Variants in TBC1D5 observed in about 807,000 individuals in gnomAD.
TBC1D5 encodes the protein TBC1 domain family, member 5.
A neutral mutation model predicts 100.3 loss-of-function variants in TBC1D5; 75 were observed. The observed-to-expected ratio is 0.75, with a 90% CI of 0.62 to 0.91. The LOEUF (loss-of-function observed/expected upper bound fraction) is 0.91. TBC1D5 is among the 40% of genes least tolerant of loss of function. The pLI is 0.00. For synonymous variants in TBC1D5, 323 were observed against 325.6 expected, an observed-to-expected ratio of 0.99 and a Z score of 0.09; for missense variants, 910 against 942.4, an observed-to-expected ratio of 0.97 and a Z score of 0.45.
chr3:17,470,997 G>A (rs2095366330), intron 3 of TBC1D5, among the ~76,000 whole-genome samples: 1 of 152,154 alleles, frequency 6.6e-6, no homozygotes, highest in African/African-American at 2.4e-5. Context: ...GCACATTTGG[G>A]ATGTGAATGA....
chr3:17,187,995 T>C (rs1361547911), intron 18 of TBC1D5, among the ~76,000 whole-genome samples: 2 of 152,254 alleles, frequency 1.3e-5, no homozygotes, highest in African/African-American at 4.8e-5. Flanking sequence ...GGATTCATTT[T>C]CTTTTGCAAA....
At chr3:17,533,406 G>A (rs2096252510) in intron 2 of TBC1D5, among the ~76,000 whole-genome samples, 1 of 152,178 alleles carries the variant, frequency 6.6e-6, no homozygotes, top group Non-Finnish European at 1.5e-5. Context: ...CTACACTAGT[G>A]TATGGCATAT....
rs369683731 is a variant in TBC1D5, at chr3:17,471,590, G to T, written c.97+36884C>A. On this transcript the variant is annotated intron_variant, in intron 3 of 21. Coordinates refer to ENST00000253692, the Ensembl canonical transcript of TBC1D5. Reference sequence around the variant, plus strand: ...ATCAAAATAGGCAGGAGAATGGCGTGAACCCGGGAGGCGGAGCTTGCAGTG... The same window carrying T: ...ATCAAAATAGGCAGGAGAATGGCGTTAACCCGGGAGGCGGAGCTTGCAGTG... 5.3e-5 allele frequency among the ~76,000 whole-genome samples: 7 copies of T among 132,632 alleles called. No homozygotes were observed. The East Asian group carries it at 1.5e-3, about 28-fold the overall frequency. The allele number at this position is 132,632 out of a possible 152,430, so 87.0% of individuals were successfully genotyped here. A position where few individuals can be genotyped will look rare whatever the true frequency, so the allele number is the denominator to read the frequency against.
At chr3:17,590,687 A>T (rs1333906282) in intron 2 of TBC1D5, among the ~76,000 whole-genome samples, 6 of 152,170 alleles carry the variant, frequency 3.9e-5, no homozygotes, top group African/African-American at 1.4e-4. Context: ...ATACGATGGG[A>T]ACAGTTGGAT....
intron 2 of TBC1D5, among the ~76,000 whole-genome samples, chr3:17,528,398 G>A (rs185552310): frequency 1.3e-5 from 2 of 152,142 alleles, no homozygotes; most frequent in Admixed American, 1.3e-4. Context: ...TCCCTTAGGA[G>A]AATGCAGTAA....
intron 1 of TBC1D5, among the ~76,000 whole-genome samples, chr3:17,705,707 G>A (rs1441714947): frequency 2.2e-5 from 3 of 135,604 alleles, no homozygotes; most frequent in Non-Finnish European, 3.2e-5. Context: ...GGGAAGAGGC[G>A]CTCCTCACTT....
chr3:17,311,523 T>C (rs1017861575), intron 13 of TBC1D5, among the ~76,000 whole-genome samples: 4 of 152,060 alleles, frequency 2.6e-5, no homozygotes, highest in Admixed American at 1.3e-4. Flanking sequence ...GTAACTACTG[T>C]TGGTGTTATT....
At chr3:17,530,338 C>T (rs536838096) in intron 2 of TBC1D5, among the ~76,000 whole-genome samples, 2 of 151,162 alleles carry the variant, frequency 1.3e-5, no homozygotes, top group Non-Finnish European at 2.9e-5. Context: ...TTGAAAATAT[C>T]GATGGGGGGT....
chr3:17,408,199 T>G (rs1477123618), intron 4 of TBC1D5, among the ~76,000 whole-genome samples: 1 of 150,466 alleles, frequency 6.6e-6, no homozygotes, highest in Non-Finnish European at 1.5e-5. Context: ...AATGGAGTAA[T>G]AACAATCTAC....
chr3:17,336,902 A>G (rs1216679456), intron 13 of TBC1D5, among the ~76,000 whole-genome samples: 1 of 152,140 alleles, frequency 6.6e-6, no homozygotes, highest in African/African-American at 2.4e-5. Flanking sequence ...TATAAAAACA[A>G]CTTTGCACAA....
intron 1 of TBC1D5, among the ~76,000 whole-genome samples, chr3:17,667,699 G>A (rs771546855): frequency 6.6e-6 from 1 of 151,960 alleles, no homozygotes; most frequent in African/African-American, 2.4e-5. Flanking sequence ...CTATCTACCC[G>A]CCTCAACCTC....
chr3:17,215,627 T>TTC (rs1234322521), intron 17 of TBC1D5, among the ~76,000 whole-genome samples: 3 of 152,030 alleles, frequency 2.0e-5, no homozygotes, highest in Non-Finnish European at 4.4e-5. Flanking sequence ...GTCAGTACCA[T>TTC]AGAGACTGTA....
chr3:17,674,514 C>A (rs544136537), intron 1 of TBC1D5, among the ~76,000 whole-genome samples: 1 of 152,170 alleles, frequency 6.6e-6, no homozygotes, highest in African/African-American at 2.4e-5. Context: ...GTATGTCATG[C>A]AATATTGTAA....
At chr3:17,477,782 G>A (rs1419298994) in intron 3 of TBC1D5, among the ~76,000 whole-genome samples, 1 of 151,926 alleles carries the variant, frequency 6.6e-6, no homozygotes, top group African/African-American at 2.4e-5. Context: ...TGTTTAACAA[G>A]TTTAGAAGTA....
At chr3:17,339,137 C>T (rs188260342) in intron 13 of TBC1D5, among the ~76,000 whole-genome samples, 102 of 152,286 alleles carry the variant, frequency 6.7e-4, no homozygotes, top group Non-Finnish European at 1.3e-3. Flanking sequence ...GTCTGCAAAA[C>T]GTGTGGTAAA....
chr3:17,334,332 A>T (rs536569169), intron 13 of TBC1D5, among the ~76,000 whole-genome samples: 2 of 152,144 alleles, frequency 1.3e-5, no homozygotes, highest in African/African-American at 2.4e-5. Flanking sequence ...AATTGATGTT[A>T]ATTATCAGAC....
intron 2 of TBC1D5, among the ~76,000 whole-genome samples, chr3:17,531,475 A>T (rs2153382918): frequency 6.6e-6 from 1 of 152,344 alleles, no homozygotes; most frequent in East Asian, 1.9e-4. Context: ...ACAGAATTGG[A>T]AAAAACTACT....
chr3:17,427,833 A>G lies in TBC1D5; in HGVS notation c.167+617T>C, dbSNP rs2094368432. On this transcript the variant is annotated intron_variant, in intron 4 of 21. Transcript: ENST00000253692. ...TCTTTCTTACTCCTGAGTTTCCCAG[A>G]TACAAGGTACAAATTTCATAAATAT... is the stretch of plus-strand genomic sequence containing the variant. Among the ~76,000 whole-genome samples the G allele has an allele frequency of 5.9e-5, 9 of 152,104 alleles. No homozygotes were observed. The South Asian group carries it at 1.9e-3, about 32-fold the overall frequency.
At chr3:17,204,533 G>A (rs1283755842) in intron 18 of TBC1D5, among the ~76,000 whole-genome samples, 2 of 151,986 alleles carry the variant, frequency 1.3e-5, no homozygotes, top group African/African-American at 2.4e-5. Context: ...TATGCCTCCC[G>A]GGCAGTATTC....
Sources: allele counts gnomAD v4.1 joint callset (sites outside exome capture counted in the v4.1 genomes callset), GRCh38; gene constraint gnomAD v4.1.1; transcripts MANE v1.5; gene names NCBI Gene and HGNC (gene_info 2026-07-23, HGNC 2026-07-21).